Variants in EEA1 observed in about 807,000 individuals in gnomAD.
EEA1 encodes early endosome antigen 1, also known as early endosome antigen 1, 162kD.
In EEA1, 111 loss-of-function variants were observed where a neutral mutation model predicts 209.2. That is an observed-to-expected ratio of 0.53 (90% CI 0.45 to 0.62). The LOEUF is 0.62. EEA1 is among the 20% of genes least tolerant of loss of function. The pLI, the probability that EEA1 is intolerant of heterozygous loss-of-function variation, is 0.00. For synonymous variants in EEA1, 536 were observed against 540.6 expected, an observed-to-expected ratio of 0.99 and a Z score of 0.12; for missense variants, 1,343 against 1,530.8, an observed-to-expected ratio of 0.88 and a Z score of 2.05.
chr12:92,779,074 G>C (rs745803214), intron 25 of EEA1, 41 bp downstream of exon 25: 1 of 1,530,524 alleles, frequency 6.5e-7, no homozygotes, highest in Admixed American at 2.2e-5. Context: ...TTGATTTAAA[G>C]CTCTACTGCA....
At chr12:92,836,990 G>A (rs188113880) in intron 10 of EEA1, among the ~76,000 whole-genome samples, 5 of 151,978 alleles carry the variant, frequency 3.3e-5, no homozygotes, top group African/African-American at 1.2e-4. Flanking sequence ...GCGTGGTGGT[G>A]CGTACCTGTA....
At chr12:92,888,643 C>T (rs1185979461) in intron 2 of EEA1, among the ~76,000 whole-genome samples, 1 of 148,958 alleles carries the variant, frequency 6.7e-6, no homozygotes, top group African/African-American at 2.5e-5. Context: ...GCTGAAGATG[C>T]AATAAGGAAT....
intron 3 of EEA1, chr12:92,858,719 A>C (rs1877998045): frequency 8.1e-6 from 6 of 738,606 alleles, no homozygotes; most frequent in Non-Finnish European, 1.5e-5. Flanking sequence ...CATGATGAAG[A>C]GGTTCGTCTT....
intron 13 of EEA1, 81 bp downstream of exon 13, chr12:92,826,085 T>C (rs1876282435): frequency 1.4e-6 from 2 of 1,411,610 alleles, no homozygotes; most frequent in African/African-American, 1.5e-5. Flanking sequence ...TTTGGATTAA[T>C]TAATTTTATT....
At chr12:92,804,726 G>A (rs1875111390) in intron 18 of EEA1, among the ~76,000 whole-genome samples, 1 of 152,034 alleles carries the variant, frequency 6.6e-6, no homozygotes, top group Admixed American at 6.6e-5. Flanking sequence ...AAAATACATT[G>A]TAAGATGGGA....
intron 27 of EEA1, 61 bp from the exon 28 acceptor site, chr12:92,777,003 A>C: frequency 1.3e-6 from 2 of 1,537,844 alleles, no homozygotes; most frequent in Admixed American, 3.5e-5. Context: ...ATGCTAGATT[A>C]TTTCTAACTT....
chr12:92,798,315 A>G (rs1874744933), intron 21 of EEA1, among the ~76,000 whole-genome samples: 1 of 151,958 alleles, frequency 6.6e-6, no homozygotes, highest in South Asian at 2.1e-4. Flanking sequence ...ATGTTGCATA[A>G]ATTATTTCCT....
chr12:92,861,380 A>C (rs569700701), intron 3 of EEA1, among the ~76,000 whole-genome samples: 1 of 152,194 alleles, frequency 6.6e-6, no homozygotes, highest in Admixed American at 6.5e-5. Context: ...GCTTGGACCC[A>C]GGAGGTATCG....
chr12:92,888,288 C>T (rs1879495835), intron 2 of EEA1, among the ~76,000 whole-genome samples: 6 of 152,210 alleles, frequency 3.9e-5, no homozygotes, highest in Non-Finnish European at 7.4e-5. Context: ...TTCTATAAAA[C>T]GAATAAAATA....
At chr12:92,921,143 T>C (rs530817962) in intron 1 of EEA1, among the ~76,000 whole-genome samples, 1 of 151,508 alleles carries the variant, frequency 6.6e-6, no homozygotes, top group Non-Finnish European at 1.5e-5. Flanking sequence ...ACTTTTACAT[T>C]GTTGGTGGGA....
At chr12:92,800,687 A>G (rs1028168708) in intron 20 of EEA1, among the ~76,000 whole-genome samples, 15 of 152,228 alleles carry the variant, frequency 9.9e-5, no homozygotes, top group African/African-American at 3.4e-4. Flanking sequence ...ATATTAACCC[A>G]TTTATTTCTC....
chr12:92,831,345 C>T (rs1245502463), intron 11 of EEA1, among the ~76,000 whole-genome samples: 11 of 151,282 alleles, frequency 7.3e-5, no homozygotes, highest in African/African-American at 2.7e-4. Flanking sequence ...TCAAAACTTG[C>T]ATTAAACTTC....
chr12:92,864,991 T>G lies in EEA1; in HGVS notation c.118-4A>C. On this transcript the variant is annotated splice_polypyrimidine_tract_variant and splice_region_variant and intron_variant, in intron 2 of 28. Transcript: ENST00000322349. ...TACACTGGGGACATATGAAACCCTA[T>G]AGAAAGGGGCAGAAAAAAGTTTCAA... is the stretch of plus-strand genomic sequence containing the variant. 6.3e-7 allele frequency: 1 copy of G among 1,582,768 alleles called. No homozygotes were observed. The highest frequency in any genetic ancestry group is 8.6e-7 in the Non-Finnish European group (1 of 1,169,580).
intron 27 of EEA1, 33 bp downstream of exon 27, chr12:92,777,510 T>TAAA: frequency 6.3e-7 from 1 of 1,576,360 alleles, no homozygotes; most frequent in Non-Finnish European, 8.6e-7. Context: ...AATTCTAGAC[T>TAAA]AAAAAACTGC....
At chr12:92,903,661 AAAG>A (rs1360893019) in intron 1 of EEA1, among the ~76,000 whole-genome samples, 1 of 152,158 alleles carries the variant, frequency 6.6e-6, no homozygotes, top group Non-Finnish European at 1.5e-5. Flanking sequence ...GAAATTAAAA[AAAG>A]AAAAAACAAA....
At chr12:92,898,261 A>G (rs1363030562) in intron 1 of EEA1, among the ~76,000 whole-genome samples, 2 of 152,216 alleles carry the variant, frequency 1.3e-5, no homozygotes, top group Non-Finnish European at 2.9e-5. Flanking sequence ...ATGCCATGAC[A>G]AAGGGGAAAT....
chr12:92,891,501 G>A (rs2136754762), intron 2 of EEA1, 128 bp downstream of exon 2: 1 of 684,384 alleles, frequency 1.5e-6, no homozygotes, highest in South Asian at 2.3e-5. Flanking sequence ...TGTTTCAAAA[G>A]TCACATTCCA....
intron 2 of EEA1, among the ~76,000 whole-genome samples, chr12:92,871,191 T>G (rs1163228162): frequency 1.3e-5 from 2 of 152,172 alleles, no homozygotes; most frequent in African/African-American, 4.8e-5. Flanking sequence ...CTGTATTTAT[T>G]TACAAATTCA....
rs1388696389 is a variant in EEA1, at chr12:92,853,830, A to ATGG, written c.406+84_406+85insCCA. On this transcript the variant is annotated intron_variant, in intron 6 of 28. Coordinates refer to ENST00000322349, the MANE Select transcript of EEA1 (RefSeq NM_003566.4). ...AAAGCATAACCATGAAACAAAATTC[A>ATGG]TTTGGCAGGCATCAAAGAAAAAGAA... is the stretch of plus-strand genomic sequence containing the variant. 46 of 1,229,742 alleles carry ATGG rather than the reference A, an allele frequency of 3.7e-5. No individual in the cohort carries two copies. The South Asian group carries it at 4.5e-4, about 12-fold the overall frequency. 76.2% of individuals were successfully genotyped at this position (1,229,742 alleles called of 1,614,324 possible). A position where few individuals can be genotyped will look rare whatever the true frequency, so the allele number is the denominator to read the frequency against.
Sources: allele counts gnomAD v4.1 joint callset (sites outside exome capture counted in the v4.1 genomes callset), GRCh38; gene constraint gnomAD v4.1.1; transcripts MANE v1.5; gene names NCBI Gene and HGNC (gene_info 2026-07-23, HGNC 2026-07-21).